The following PTPRO variants were observed in gnomAD, a reference collection of about 807,000 sequenced individuals.
PTPRO encodes the protein receptor-type tyrosine-protein phosphatase O.
PTPRO carries 62 observed loss-of-function variants against 145.2 expected under a neutral mutation model. The ratio of observed to expected loss-of-function variants is 0.43; its 90% CI spans 0.35 to 0.53. The LOEUF is 0.53. Among genes scored for constraint, PTPRO ranks in the 20% least tolerant of loss-of-function variants. The pLI is 0.01. For synonymous variants in PTPRO, 565 were observed against 514.7 expected, an observed-to-expected ratio of 1.10 and a Z score of -1.32; for missense variants, 1,345 against 1,482.7, an observed-to-expected ratio of 0.91 and a Z score of 1.53.
rs930799745 is a variant in PTPRO, at chr12:15,504,283, A to AT, written c.1267+224dup. ...TCCTATCCAGGGGTTTAACTTGAGG[A>AT]TTTTTTTTTTACTATTGTGATAATT... On this transcript the variant is annotated intron_variant, in intron 6 of 26. Transcript: ENST00000281171. Among the ~76,000 whole-genome samples the AT allele has an allele frequency of 3.1e-3, 467 of 150,008 alleles. 7 individuals are homozygous for AT. The highest frequency in any genetic ancestry group is 3.4e-3 in the Middle Eastern group (1 of 290).
At chr12:15,384,370 A>G (rs1201466915) in intron 1 of PTPRO, among the ~76,000 whole-genome samples, 1 of 152,190 alleles carries the variant, frequency 6.6e-6, no homozygotes, top group Non-Finnish European at 1.5e-5. Flanking sequence ...ATAACAAAAT[A>G]CCATAGACTG....
chr12:15,354,130 G>A (rs1228948376), intron 1 of PTPRO, among the ~76,000 whole-genome samples: 1 of 152,184 alleles, frequency 6.6e-6, no homozygotes, highest in East Asian at 1.9e-4. Flanking sequence ...TTAAAAAAGG[G>A]CATTAACAAG....
intron 1 of PTPRO, among the ~76,000 whole-genome samples, chr12:15,393,441 C>G (rs1053241219): frequency 6.6e-6 from 1 of 152,142 alleles, no homozygotes; most frequent in Non-Finnish European, 1.5e-5. Context: ...GATCATTGCT[C>G]TTCCTGCTCA....
chr12:15,406,826 C>A (rs991430226), intron 1 of PTPRO, among the ~76,000 whole-genome samples: 1 of 152,090 alleles, frequency 6.6e-6, no homozygotes, highest in Non-Finnish European at 1.5e-5. Flanking sequence ...TTTTACATAA[C>A]AAGATAAACT....
intron 4 of PTPRO, 82 bp downstream of exon 4, chr12:15,499,676 T>TA (rs1942178052): frequency 6.9e-7 from 1 of 1,455,136 alleles, no homozygotes. Context: ...TCCTAAGAAA[T>TA]ATTCTGATCC....
chr12:15,348,070 C>T (rs1000722150), intron 1 of PTPRO, among the ~76,000 whole-genome samples: 1 of 152,122 alleles, frequency 6.6e-6, no homozygotes, highest in Non-Finnish European at 1.5e-5. Context: ...TAACCCTAAC[C>T]GTAACTGTGG....
At chr12:15,431,334 C>G (rs1049726777) in intron 1 of PTPRO, among the ~76,000 whole-genome samples, 5 of 152,222 alleles carry the variant, frequency 3.3e-5, no homozygotes, top group Admixed American at 3.3e-4. Context: ...TTATTTTGCT[C>G]ACTTTGGGAA....
chr12:15,486,867 T>G (rs1268063840), intron 2 of PTPRO, among the ~76,000 whole-genome samples: 1 of 151,888 alleles, frequency 6.6e-6, no homozygotes, highest in Non-Finnish European at 1.5e-5. Context: ...ATTTCTATGG[T>G]TGAATTTGAA....
intron 1 of PTPRO, among the ~76,000 whole-genome samples, chr12:15,328,467 G>C (rs568593951): frequency 6.6e-6 from 1 of 152,130 alleles, no homozygotes; most frequent in South Asian, 2.1e-4. Context: ...ACAAGGTTGC[G>C]GGGATTTCCT....
chr12:15,558,246 T>G (rs898764949), intron 16 of PTPRO, among the ~76,000 whole-genome samples: 2 of 152,158 alleles, frequency 1.3e-5, no homozygotes, highest in Admixed American at 6.5e-5. Flanking sequence ...CATCTCCATT[T>G]TAAACTCACA....
chr12:15,567,974 ATT>A (rs1943944848), intron 18 of PTPRO, among the ~76,000 whole-genome samples: 2 of 152,302 alleles, frequency 1.3e-5, no homozygotes, highest in South Asian at 4.1e-4. Context: ...TAAATGAGTT[ATT>A]GTTATTAAGT....
chr12:15,414,141 T>C (rs1426558937), intron 1 of PTPRO, among the ~76,000 whole-genome samples: 1 of 152,236 alleles, frequency 6.6e-6, no homozygotes, highest in Non-Finnish European at 1.5e-5. Context: ...AAAATACTGA[T>C]ACCCAGAAGT....
At chr12:15,480,737 GGA>G (rs1941760841) in intron 1 of PTPRO, among the ~76,000 whole-genome samples, 3 of 37,740 alleles carry the variant, frequency 7.9e-5, no homozygotes, top group Admixed American at 6.9e-4. Flanking sequence ...ATGGATGGAT[GGA>G]TGGATGGATG....
intron 1 of PTPRO, among the ~76,000 whole-genome samples, chr12:15,408,708 G>A (rs185533214): frequency 6.6e-5 from 10 of 152,258 alleles, no homozygotes; most frequent in Admixed American, 3.3e-4. Context: ...GATTACAGGC[G>A]TGAGCCACCG....
At chr12:15,413,299 G>T (rs1168885057) in intron 1 of PTPRO, among the ~76,000 whole-genome samples, 1 of 152,134 alleles carries the variant, frequency 6.6e-6, no homozygotes, top group Non-Finnish European at 1.5e-5. Context: ...GTTTCACCAT[G>T]TTGCTCAGGC....
At chr12:15,527,552 C>G (rs945906250) in intron 12 of PTPRO, among the ~76,000 whole-genome samples, 15 of 152,206 alleles carry the variant, frequency 9.9e-5, no homozygotes, top group Admixed American at 9.8e-4. Context: ...AGTGGCTGTT[C>G]AGCAGCACCA....
At chr12:15,325,412 C>A (rs953771818) in intron 1 of PTPRO, among the ~76,000 whole-genome samples, 2 of 152,152 alleles carry the variant, frequency 1.3e-5, no homozygotes, top group African/African-American at 4.8e-5. Flanking sequence ...GTGATGAGCA[C>A]ATATAATCGG....
intron 1 of PTPRO, among the ~76,000 whole-genome samples, chr12:15,350,791 C>G (rs919470564): frequency 5.9e-5 from 9 of 152,168 alleles, no homozygotes; most frequent in Non-Finnish European, 1.3e-4. Context: ...CAACTTCTGT[C>G]CTCAGTTCAC....
chr12:15,459,462 G>GGTTTCCTCCCAA (rs1941254053), intron 1 of PTPRO, among the ~76,000 whole-genome samples: 1 of 152,172 alleles, frequency 6.6e-6, no homozygotes, highest in African/African-American at 2.4e-5. Flanking sequence ...GGGAACTGGG[G>GGTTTCCTCCCAA]GTTTCCTCCC....
Sources: gnomAD v4.1 joint callset for allele counts (sites outside exome capture counted in the v4.1 genomes callset) on GRCh38, gnomAD v4.1.1 for gene constraint, MANE v1.5 for transcripts, NCBI Gene and HGNC (gene_info 2026-07-23, HGNC 2026-07-21) for gene names.